Variants in DPY19L1 observed in about 807,000 individuals in gnomAD.
DPY19L1 encodes dpy-19 like C-mannosyltransferase 1, also known as protein C-mannosyl-transferase DPY19L1.
DPY19L1 carries 35 observed loss-of-function variants against 96.9 expected under a neutral mutation model. The ratio of observed to expected loss-of-function variants is 0.36; its 90% confidence interval spans 0.28 to 0.48. The LOEUF (loss-of-function observed/expected upper bound fraction) is 0.48. Ranked by LOEUF, DPY19L1 falls within the 20% of genes least tolerant of loss-of-function variation. The pLI is 0.99. For missense variants in DPY19L1, 521 were observed against 777.9 expected (o/e 0.67, Z 3.93); for synonymous variants, 205 against 252.6 (o/e 0.81, Z 1.79).
intron 6 of DPY19L1, among the ~76,000 whole-genome samples, chr7:35,006,385 GT>G (rs1447562239): frequency 1.3e-5 from 2 of 152,114 alleles, no homozygotes; most frequent in African/African-American, 2.4e-5. Context: ...AACACCAAAA[GT>G]TTTTTGTATT....
chr7:34,951,101 C>G (rs1043787980), intron 13 of DPY19L1, among the ~76,000 whole-genome samples: 5 of 151,724 alleles, frequency 3.3e-5, no homozygotes, highest in Non-Finnish European at 7.4e-5. Context: ...GTAAAATTAA[C>G]AAAAAAGCAA....
chr7:34,943,092 C>G (rs796350272), intron 16 of DPY19L1, among the ~76,000 whole-genome samples: 30 of 152,346 alleles, frequency 2.0e-4, no homozygotes, highest in African/African-American at 7.2e-4. Context: ...TTCTTAAGCA[C>G]TGATATGTTC....
chr7:35,009,187 C>T lies in DPY19L1; in HGVS notation c.764+1281G>A, dbSNP rs571782353. On this transcript the variant is annotated intron_variant, in intron 6 of 21. Coordinates refer to ENST00000638088, the MANE Select transcript of DPY19L1 (RefSeq NM_001366673.1). Reference sequence around the variant, plus strand: ...ATCAAGTAACTGCTAGATACTCAAACGGTGGGCTAGAAACTCAACACATCT... The same window carrying T: ...ATCAAGTAACTGCTAGATACTCAAATGGTGGGCTAGAAACTCAACACATCT... Among the ~76,000 whole-genome samples the T allele has an allele frequency of 8.5e-5, 13 of 152,250 alleles. No homozygotes were observed. In the South Asian group the frequency reaches 1.9e-3, roughly 22 times the overall value.
At chr7:34,960,546 A>G (rs1157917016) in intron 10 of DPY19L1, among the ~76,000 whole-genome samples, 1 of 152,172 alleles carries the variant, frequency 6.6e-6, no homozygotes, top group Non-Finnish European at 1.5e-5. Context: ...ATTCAAAATG[A>G]TATCAACTAC....
chr7:34,933,080 T>C (rs1238563372), intron 21 of DPY19L1, among the ~76,000 whole-genome samples: 1 of 152,076 alleles, frequency 6.6e-6, no homozygotes, highest in Non-Finnish European at 1.5e-5. Context: ...TCATCTCCAA[T>C]AGCATTTCTC....
intron 10 of DPY19L1, among the ~76,000 whole-genome samples, chr7:34,960,705 G>T (rs1034514410): frequency 8.6e-5 from 13 of 152,042 alleles, no homozygotes; most frequent in African/African-American, 2.7e-4. Context: ...TTGTTCTATG[G>T]CTTCATCATT....
chr7:34,994,893 C>T (rs1200230878), intron 6 of DPY19L1, among the ~76,000 whole-genome samples: 1 of 152,050 alleles, frequency 6.6e-6, no homozygotes, highest in Non-Finnish European at 1.5e-5. Flanking sequence ...GCCATACAAC[C>T]TGGGAGGCTC....
At chr7:34,998,974 G>C (rs139986158) in intron 6 of DPY19L1, among the ~76,000 whole-genome samples, 2 of 152,182 alleles carry the variant, frequency 1.3e-5, no homozygotes, top group Non-Finnish European at 2.9e-5. Flanking sequence ...GAAAAACCCT[G>C]AGAAAATTCG....
chr7:34,982,530 T>C (rs1308784201), intron 7 of DPY19L1, among the ~76,000 whole-genome samples: 1 of 152,174 alleles, frequency 6.6e-6, no homozygotes, highest in African/African-American at 2.4e-5. Context: ...AAAATGCACT[T>C]TTGTTGTACT....
Position 34,955,353 on chromosome 7 carries a change from C to T in DPY19L1, c.1194G>A (p.Met398Ile). The T allele has an allele frequency of 6.2e-7, 1 of 1,608,632 alleles. No individual in the cohort carries two copies. The highest frequency in any genetic ancestry group is 8.5e-7 in the Non-Finnish European group (1 of 1,176,334). The change falls in exon 12 of 22, where the codon ATG becomes ATA. Residue 398 changes from methionine (M) to isoleucine (I), a missense_variant. Physicochemically the swap from Met to Ile is conservative, Grantham distance 10 (BLOSUM62 1). Transcript: ENST00000638088. ...CATTTATTTTCAGGAAATGTGGTTT[C>T]ATTGCCAGAATACCCTGAGTAGAGA... is the stretch of plus-strand genomic sequence containing the variant. ...SLVIIWGILA[M>I]KPHFLKINVS...
intron 10 of DPY19L1, among the ~76,000 whole-genome samples, chr7:34,964,770 T>C (rs1033611661): frequency 2.0e-5 from 3 of 152,134 alleles, no homozygotes; most frequent in Non-Finnish European, 2.9e-5. Context: ...TGTGGAACAA[T>C]TGGAGCATCA....
intron 7 of DPY19L1, among the ~76,000 whole-genome samples, chr7:34,986,924 G>A (rs905947555): frequency 6.6e-6 from 1 of 151,816 alleles, no homozygotes; most frequent in African/African-American, 2.4e-5. Context: ...CTTCATATGT[G>A]TACATCTTTA....
At chr7:35,021,094 C>CA (rs1320875117) in intron 1 of DPY19L1, among the ~76,000 whole-genome samples, 14 of 152,106 alleles carry the variant, frequency 9.2e-5, no homozygotes, top group Admixed American at 6.5e-5. Flanking sequence ...TTATTCCTGA[C>CA]AAAAACAATA....
At position 35,016,103 on chromosome 7, in the gene DPY19L1, A is replaced by G. The variant is rs1477827463; in HGVS notation, c.411+1779T>C. On this transcript the variant is annotated intron_variant, in intron 3 of 21. Coordinates refer to ENST00000638088, the MANE Select transcript of DPY19L1 (RefSeq NM_001366673.1). Reference sequence around the variant, plus strand: ...TTGTAGCCTAATTCTCTTCAGTAAAAAGGCCAAAATACAATGGCCAATCTA... The same window carrying G: ...TTGTAGCCTAATTCTCTTCAGTAAAGAGGCCAAAATACAATGGCCAATCTA... Among the ~76,000 whole-genome samples, 6 of 152,356 alleles carry G rather than the reference A, an allele frequency of 3.9e-5. No homozygotes were observed. In the East Asian group the frequency reaches 1.2e-3, roughly 29 times the overall value.
intron 2 of DPY19L1, 72 bp from the exon 3 acceptor site, chr7:35,018,041 G>A: frequency 2.6e-6 from 3 of 1,134,306 alleles, no homozygotes; most frequent in Non-Finnish European, 3.7e-6. Flanking sequence ...TAAGCTAAAA[G>A]CAAAAATAAA....
intron 1 of DPY19L1, among the ~76,000 whole-genome samples, chr7:35,032,765 T>C (rs531281491): frequency 9.2e-5 from 14 of 152,180 alleles, no homozygotes; most frequent in Non-Finnish European, 1.6e-4. Flanking sequence ...GCCAGCATTA[T>C]TTACCCAATT....
At chr7:34,958,864 T>C (rs932792934) in intron 10 of DPY19L1, among the ~76,000 whole-genome samples, 17 of 152,224 alleles carry the variant, frequency 1.1e-4, no homozygotes, top group Non-Finnish European at 2.2e-4. Context: ...TTTTATTCTA[T>C]TTGCTGGTTA....
intron 20 of DPY19L1, among the ~76,000 whole-genome samples, chr7:34,938,380 T>C (rs1206830722): frequency 6.6e-6 from 1 of 152,226 alleles, no homozygotes; most frequent in Non-Finnish European, 1.5e-5. Context: ...TTCACTTATT[T>C]ATTTGTCTTA....
chr7:35,017,352 G>T (rs1322049401), intron 3 of DPY19L1, among the ~76,000 whole-genome samples: 2 of 151,498 alleles, frequency 1.3e-5, no homozygotes, highest in African/African-American at 4.9e-5. Context: ...AAAATTAGCC[G>T]GGCGCGGTGG....
Sources: gnomAD v4.1 joint callset for allele counts (sites outside exome capture counted in the v4.1 genomes callset) on GRCh38, gnomAD v4.1.1 for gene constraint, MANE v1.5 for transcripts, NCBI Gene and HGNC (gene_info 2026-07-23, HGNC 2026-07-21) for gene names.